COQ8A: variants seen among roughly 807,000 people sequenced by gnomAD.
COQ8A encodes the protein atypical kinase COQ8A, mitochondrial.
COQ8A carries 51 observed loss-of-function variants against 65.0 expected under a neutral mutation model. That is an observed-to-expected ratio of 0.78 (90% confidence interval 0.63 to 0.99). The LOEUF is 0.99. COQ8A is among the 50% of genes least tolerant of loss of function. The probability of loss-of-function intolerance (pLI) is 0.00; values close to 1 mark genes in which losing one functional copy is unlikely to be tolerated. For missense variants in COQ8A, 940 were observed against 875.0 expected (o/e 1.07, Z -0.94); for synonymous variants, 371 against 353.2 (o/e 1.05, Z -0.57).
chr1:226,956,759 C>A (rs1235700443), intron 1 of COQ8A, among the ~76,000 whole-genome samples: 1 of 128,218 alleles, frequency 7.8e-6, no homozygotes, highest in Non-Finnish European at 1.6e-5. Context: ...GGCTGCCACT[C>A]CCTGGTTCAC....
intron 4 of COQ8A, among the ~76,000 whole-genome samples, chr1:226,977,092 G>A (rs765743460): frequency 1.3e-5 from 2 of 152,168 alleles, no homozygotes; most frequent in African/African-American, 2.4e-5. Context: ...ACGTTGGTCT[G>A]TGGACCATCC....
Position 226,986,850 on chromosome 1 carries a change from G to T in COQ8A, c.*113G>T, listed in dbSNP as rs1198307322. ...TTTTAACTCCTTTGCCCAATAAGGG[G>T]GGTGGCTGCCTGGAGCCCCGTAGCC... On this transcript the variant is annotated 3_prime_UTR_variant, in exon 15 of 15. Transcript: ENST00000366777. The T allele has an allele frequency of 1.4e-6, 2 of 1,379,756 alleles. No individual in the cohort carries two copies. The highest frequency in any genetic ancestry group is 2.0e-6 in the Non-Finnish European group (2 of 1,010,446). 85.5% of individuals were successfully genotyped at this position (1,379,756 alleles called of 1,614,324 possible).
intron 14 of COQ8A, 135 bp from the exon 15 acceptor site, chr1:226,986,318 C>G: frequency 9.9e-7 from 1 of 1,005,544 alleles, no homozygotes; most frequent in Non-Finnish European, 1.5e-6. Context: ...GAGTTTATGC[C>G]CATTACCATG....
Position 226,986,567 on chromosome 1 carries a change from C to G in COQ8A, c.1774C>G (p.Pro592Ala). The G allele has an allele frequency of 6.2e-7, 1 of 1,614,034 alleles. No individual in the cohort carries two copies. Among genetic ancestry groups the G allele is most frequent in the South Asian group, 1.1e-5 (1 of 91,068 alleles). Residue 592 changes from proline to alanine, a missense_variant, in exon 15 of 15, where the codon CCC becomes GCC. Coordinates refer to ENST00000366777, the MANE Select transcript of COQ8A (RefSeq NM_020247.5). ...CACCGAGAAGATCCACAACCTGATT[C>G]CCGTCATGCTGAGGCACCGTCTCGT... ...STTEKIHNLI[P>A]VMLRHRLVPP... is the part of the protein sequence containing the mutation.
intron 2 of COQ8A, among the ~76,000 whole-genome samples, chr1:226,964,647 C>A (rs1258296202): frequency 6.6e-6 from 1 of 152,144 alleles, no homozygotes. Flanking sequence ...CTGTCTTTTG[C>A]GCCCTGGTTT....
intron 10 of COQ8A, 106 bp downstream of exon 10, chr1:226,983,960 G>T (rs539434887): frequency 6.4e-7 from 1 of 1,550,822 alleles, no homozygotes; most frequent in African/African-American, 1.4e-5. Flanking sequence ...CAGAGGGCTG[G>T]GGTTGCAGCC....
intron 6 of COQ8A, 41 bp from the exon 7 acceptor site, chr1:226,982,637 T>C (rs1409515251): frequency 1.0e-5 from 16 of 1,603,962 alleles, no homozygotes; most frequent in African/African-American, 2.7e-5. Context: ...GCGCACACTT[T>C]AATCCCCAGG....
chr1:226,979,810 C>A (rs1243350459), intron 5 of COQ8A, among the ~76,000 whole-genome samples: 1 of 152,182 alleles, frequency 6.6e-6, no homozygotes, highest in Admixed American at 6.5e-5. Context: ...GAGGGCTTAG[C>A]AAGGGTATTT....
chr1:226,948,262 T>C (rs558111253), intron 1 of COQ8A, among the ~76,000 whole-genome samples: 2 of 152,202 alleles, frequency 1.3e-5, no homozygotes, highest in Non-Finnish European at 2.9e-5. Context: ...ATTCCTTGGC[T>C]TGTGGCCTCT....
In COQ8A at chr1:226,954,677, T is replaced by G. The variant is rs1657582789; in HGVS notation, c.-9-6700T>G. ...GCCAGCCAGAGAATAGCAGGCTTTC[T>G]CAAACTTTGGAGGGACCAGCTGAGT... On this transcript the variant is annotated intron_variant, in intron 1 of 14. Coordinates refer to ENST00000366777, the MANE Select transcript of COQ8A (RefSeq NM_020247.5). Among the ~76,000 whole-genome samples the G allele has an allele frequency of 2.6e-5, 4 of 152,360 alleles. No individual in the cohort carries two copies. In the South Asian group the frequency reaches 8.3e-4, roughly 32 times the overall value.
At position 226,982,921 on chromosome 1, in the gene COQ8A, A is replaced by G. The variant is rs751512366; in HGVS notation, c.967A>G (p.Asn323Asp). Residue 323 changes from asparagine (N) to aspartate (D), a missense_variant, in exon 8 of 15, where the codon AAC becomes GAC. Transcript: ENST00000366777. Reference sequence around the variant, plus strand: ...AACTCTCAACAACGACCTGGGCCCCAACTGGCGGGACAAGTTGGAATACTT... The same window carrying G: ...AACTCTCAACAACGACCTGGGCCCCGACTGGCGGGACAAGTTGGAATACTT... ...MKTLNNDLGP[N>D]WRDKLEYFEE... is the part of the protein sequence containing the mutation. 2 of 1,612,358 alleles carry G rather than the reference A, an allele frequency of 1.2e-6. No homozygotes were observed. Among genetic ancestry groups the G allele is most frequent in the African/African-American group, 1.3e-5 (1 of 74,918 alleles).
chr1:226,944,860 C>T (rs1434905650), intron 1 of COQ8A, among the ~76,000 whole-genome samples: 2 of 151,920 alleles, frequency 1.3e-5, no homozygotes, highest in Admixed American at 1.3e-4. Flanking sequence ...AGCCCAGTCC[C>T]TTATCTCTCC....
At chr1:226,951,800 A>C (rs1397487479) in intron 1 of COQ8A, among the ~76,000 whole-genome samples, 1 of 152,178 alleles carries the variant, frequency 6.6e-6, no homozygotes, top group Non-Finnish European at 1.5e-5. Flanking sequence ...GAAAGCAGCT[A>C]GGGACAATAC....
chr1:226,947,263 C>T (rs933241450), intron 1 of COQ8A, among the ~76,000 whole-genome samples: 1 of 152,168 alleles, frequency 6.6e-6, no homozygotes, highest in African/African-American at 2.4e-5. Context: ...GGACTGGAGC[C>T]TGAGTCAGAC....
intron 1 of COQ8A, among the ~76,000 whole-genome samples, chr1:226,943,787 T>C (rs1284907205): frequency 6.6e-6 from 1 of 152,234 alleles, no homozygotes; most frequent in Non-Finnish European, 1.5e-5. Context: ...ACATAACCCC[T>C]ACCACAATCA....
intron 11 of COQ8A, 33 bp from the exon 12 acceptor site, chr1:226,984,515 C>T: frequency 6.4e-7 from 1 of 1,566,792 alleles, no homozygotes; most frequent in Non-Finnish European, 8.8e-7. Context: ...CAGTGTGGTG[C>T]TGCCTGACAC....
At chr1:226,957,871 C>T (rs554263053) in intron 1 of COQ8A, among the ~76,000 whole-genome samples, 1 of 152,242 alleles carries the variant, frequency 6.6e-6, no homozygotes, top group East Asian at 1.9e-4. Flanking sequence ...GAGTCGGAGC[C>T]TTGTCTCCAG....
At chr1:226,959,307 C>T (rs1431610865) in intron 1 of COQ8A, among the ~76,000 whole-genome samples, 1 of 151,882 alleles carries the variant, frequency 6.6e-6, no homozygotes, top group Admixed American at 6.6e-5. Flanking sequence ...TGCTTGAGAG[C>T]CTGAGGTGGG....
intron 1 of COQ8A, among the ~76,000 whole-genome samples, chr1:226,941,088 C>T (rs138431011): frequency 3.8e-4 from 58 of 152,354 alleles, no homozygotes; most frequent in Non-Finnish European, 6.6e-4. Flanking sequence ...GTAACAGCCC[C>T]TCTGCCAAAC....
Sources: allele counts gnomAD v4.1 joint callset (sites outside exome capture counted in the v4.1 genomes callset), GRCh38; gene constraint gnomAD v4.1.1; transcripts MANE v1.5; gene names NCBI Gene and HGNC (gene_info 2026-07-23, HGNC 2026-07-21).